Variants in GRIN2A observed in about 807,000 individuals in gnomAD.
GRIN2A encodes glutamate receptor ionotropic, NMDA 2A.
Under a neutral mutation model 113.4 loss-of-function variants are expected in GRIN2A, and 22 were observed. The ratio of observed to expected loss-of-function variants is 0.19; its 90% CI spans 0.14 to 0.28. The LOEUF is 0.28. Ranked by LOEUF, GRIN2A falls within the 10% of genes least tolerant of loss-of-function variation. The pLI is 1.00. For synonymous variants in GRIN2A, 827 were observed against 738.4 expected (o/e 1.12, Z -1.94); for missense variants, 1,502 against 1,887.0 (o/e 0.80, Z 3.78).
At chr16:9,959,527 C>T (rs1158106688) in intron 2 of GRIN2A, among the ~76,000 whole-genome samples, 3 of 152,200 alleles carry the variant, frequency 2.0e-5, no homozygotes, top group Admixed American at 6.5e-5. Flanking sequence ...CCCAAGCTAC[C>T]GATGTGCAAC....
At chr16:10,040,495 C>G (rs2096767548) in intron 2 of GRIN2A, among the ~76,000 whole-genome samples, 1 of 150,718 alleles carries the variant, frequency 6.6e-6, no homozygotes, top group South Asian at 2.1e-4. Flanking sequence ...CACATTCACA[C>G]CACACATCCA....
intron 9 of GRIN2A, among the ~76,000 whole-genome samples, chr16:9,826,460 G>T (rs2042389270): frequency 6.6e-6 from 1 of 152,140 alleles, no homozygotes; most frequent in African/African-American, 2.4e-5. Flanking sequence ...TTATTTCACA[G>T]CAAGCACTAA....
chr16:10,076,839 G>T (rs57737700), intron 2 of GRIN2A, among the ~76,000 whole-genome samples: 13,548 of 152,232 alleles, frequency 0.089, 690 homozygotes, highest in Non-Finnish European at 0.11. Context: ...TGTGTAGTAG[G>T]CAGAGCACTG....
chr16:9,825,711 A>G (rs1293291146), intron 9 of GRIN2A, among the ~76,000 whole-genome samples: 1 of 152,142 alleles, frequency 6.6e-6, no homozygotes, highest in African/African-American at 2.4e-5. Flanking sequence ...GTGAGCAGCA[A>G]GCAGGTGTGT....
chr16:9,798,754 C>T (rs1030226215), intron 10 of GRIN2A, among the ~76,000 whole-genome samples: 1 of 152,190 alleles, frequency 6.6e-6, no homozygotes, highest in African/African-American at 2.4e-5. Flanking sequence ...TTGTCCTTAA[C>T]ACTCCCAGTG....
intron 2 of GRIN2A, among the ~76,000 whole-genome samples, chr16:10,118,191 C>G (rs557067935): frequency 7.9e-5 from 12 of 152,252 alleles, no homozygotes; most frequent in African/African-American, 2.9e-4. Flanking sequence ...AAGACGTTCT[C>G]GAAGACATTG....
At chr16:10,114,693 A>G (rs1247535320) in intron 2 of GRIN2A, among the ~76,000 whole-genome samples, 1 of 152,248 alleles carries the variant, frequency 6.6e-6, no homozygotes, top group African/African-American at 2.4e-5. Context: ...TTTCCCAAGA[A>G]GGCAAACAGA....
At chr16:10,013,556 CTGCTCTCTCA>C (rs1166919352) in intron 2 of GRIN2A, among the ~76,000 whole-genome samples, 1 of 152,192 alleles carries the variant, frequency 6.6e-6, no homozygotes, top group Non-Finnish European at 1.5e-5. Flanking sequence ...TGTTTGAAGA[CTGCTCTCTCA>C]TGCCCTCTGC....
chr16:9,998,939 C>T (rs146486273), intron 2 of GRIN2A, among the ~76,000 whole-genome samples: 152 of 152,158 alleles, frequency 1.0e-3, no homozygotes, highest in Non-Finnish European at 2.0e-3. Context: ...CCTAGGGGTG[C>T]GGGTAGGGGG....
At chr16:10,115,394 A>T (rs1370528585) in intron 2 of GRIN2A, among the ~76,000 whole-genome samples, 1 of 152,322 alleles carries the variant, frequency 6.6e-6, no homozygotes, top group East Asian at 1.9e-4. Flanking sequence ...AGAGATGCTT[A>T]AACAGGAAGA....
At position 9,891,026 on chromosome 16, in the gene GRIN2A, A is replaced by G; in HGVS notation, c.1082T>C (p.Leu361Pro). ...GTCTTTGTTCAGCACAATCACCACCAGCCTGGGGTGCACCTGGTAGCCTTC... is the reference window on the plus strand; with the variant it reads ...GTCTTTGTTCAGCACAATCACCACCGGCCTGGGGTGCACCTGGTAGCCTTC... ...TEEGYQVHPR[L>P]VVIVLNKDRE... Residue 361 changes from leucine (L) to proline (P), a missense_variant, in exon 4 of 13, where the codon CTG (leucine) becomes CCG (proline). Around this residue, in one of 7 missense-constraint regions of GRIN2A, gnomAD observed 334 missense variants for 403.0 expected, o/e 0.83. Coordinates refer to ENST00000330684, the MANE Select transcript of GRIN2A (RefSeq NM_001134407.3). 1 of 1,613,368 alleles carries G rather than the reference A, an allele frequency of 6.2e-7. No individual in the cohort carries two copies. Among genetic ancestry groups the G allele is most frequent in the Non-Finnish European group, 8.5e-7 (1 of 1,179,300 alleles).
intron 2 of GRIN2A, chr16:10,033,535 A>T (rs2046968134): frequency 6.6e-6 from 1 of 152,222 alleles, no homozygotes; most frequent in East Asian, 1.9e-4. Flanking sequence ...CCATCAAGCT[A>T]AATGTGTTTG....
At chr16:10,120,709 G>T (rs1452393259) in intron 2 of GRIN2A, among the ~76,000 whole-genome samples, 1 of 152,106 alleles carries the variant, frequency 6.6e-6, no homozygotes, top group African/African-American at 2.4e-5. Context: ...CAATCTCTTT[G>T]TTTCCTTTCT....
rs772052450 is a variant in GRIN2A at position 9,938,159 on chromosome 16, T to A, written c.807A>T (p.Pro269=). ...SLVSGNTELI[P]KEFPSGLISV... is the part of the protein sequence containing the mutation. ...AAATGAGTCCCGATGGAAACTCTTT[T>A]GGGATGAGCTCCGTGTTCCCAGAGA... Residue 269 remains proline, a synonymous_variant, in exon 3 of 13, where the codon CCA becomes CCT. Transcript: ENST00000330684. 2 of 1,613,938 alleles carry A rather than the reference T, an allele frequency of 1.2e-6. No individual in the cohort carries two copies. The highest frequency in any genetic ancestry group is 1.7e-6 in the Non-Finnish European group (2 of 1,179,986).
chr16:9,992,178 T>A (rs2046128214), intron 2 of GRIN2A, among the ~76,000 whole-genome samples: 1 of 152,208 alleles, frequency 6.6e-6, no homozygotes, highest in African/African-American at 2.4e-5. Context: ...TTTATATCAT[T>A]TTCTTTATCC....
intron 3 of GRIN2A, among the ~76,000 whole-genome samples, chr16:9,927,882 C>T (rs1173849197): frequency 6.6e-6 from 1 of 152,208 alleles, no homozygotes; most frequent in African/African-American, 2.4e-5. Context: ...GAGCTATTTT[C>T]TATCACATGG....
chr16:9,958,174 T>A (rs1420451072), intron 2 of GRIN2A, among the ~76,000 whole-genome samples: 2 of 152,232 alleles, frequency 1.3e-5, no homozygotes, highest in Non-Finnish European at 2.9e-5. Flanking sequence ...AATTGGCAAT[T>A]GATGTAAAAG....
rs1438791309 is a variant in GRIN2A, at chr16:9,762,054, C to G, written c.*1095G>C. On this transcript the variant is annotated 3_prime_UTR_variant, in exon 13 of 13. Coordinates refer to ENST00000330684, the MANE Select transcript of GRIN2A (RefSeq NM_001134407.3). Reference sequence around the variant, plus strand: ...AAGATAAACCTAAAACCATGCTAGCCTTCGGCAGACAGATGGCATTGTACT... The same window carrying G: ...AAGATAAACCTAAAACCATGCTAGCGTTCGGCAGACAGATGGCATTGTACT... 1 of 201,986 alleles carries G rather than the reference C, an allele frequency of 5.0e-6. No individual in the cohort carries two copies. Among genetic ancestry groups the G allele is most frequent in the African/African-American group, 2.3e-5 (1 of 43,574 alleles). 12.5% of individuals were successfully genotyped at this position (201,986 alleles called of 1,614,324 possible).
chr16:10,090,319 G>A (rs9928340), intron 2 of GRIN2A, among the ~76,000 whole-genome samples: 1 of 152,008 alleles, frequency 6.6e-6, no homozygotes, highest in African/African-American at 2.4e-5. Context: ...GAAATCAAGA[G>A]AGTGTGGTAT....
Sources: gnomAD v4.1 joint callset for allele counts (sites outside exome capture counted in the v4.1 genomes callset) on GRCh38, gnomAD v4.1.1 for gene constraint, gnomAD v4.1.1 regional missense constraint, MANE v1.5 for transcripts, NCBI Gene and HGNC (gene_info 2026-07-23, HGNC 2026-07-21) for gene names.